The following ANKFN1 variants were observed in gnomAD, a reference collection of about 807,000 sequenced individuals.
ANKFN1 encodes ankyrin repeat and fibronectin type III domain containing 1, also known as ankyrin repeat and fibronectin type-III domain-containing protein 1.
In ANKFN1, 74 loss-of-function variants were observed where a neutral mutation model predicts 108.7. The observed-to-expected ratio is 0.68, with a 90% confidence interval of 0.56 to 0.83. The LOEUF (loss-of-function observed/expected upper bound fraction) is 0.83, where lower values mean the gene tolerates loss of function less well. Among genes scored for constraint, ANKFN1 ranks in the 40% least tolerant of loss-of-function variants. The pLI, the probability that ANKFN1 is intolerant of heterozygous loss-of-function variation, is 0.00. For missense variants in ANKFN1, 1,505 were observed against 1,382.3 expected, an observed-to-expected ratio of 1.09 and a Z score of -1.41; for synonymous variants, 547 against 516.2, an observed-to-expected ratio of 1.06 and a Z score of -0.81.
In ANKFN1 at chr17:56,515,095, G is replaced by C. The variant is rs1305894370; in HGVS notation, c.*3826G>C. On this transcript the variant is annotated 3_prime_UTR_variant, in exon 21 of 21. Coordinates refer to ENST00000682825, the MANE Select transcript of ANKFN1 (RefSeq NM_001370326.1). ...AGCTTAAGTGAGTTCTCCAAGAGAA[G>C]GTATGTCTGCAACGCATTTAAGTTG... Among the ~76,000 whole-genome samples, 1 of 151,930 alleles carries C rather than the reference G, an allele frequency of 6.6e-6. No homozygotes were observed. The highest frequency in any genetic ancestry group is 2.4e-5 in the African/African-American group (1 of 41,366).
chr17:56,480,344 AG>A (rs1401467294), intron 16 of ANKFN1, among the ~76,000 whole-genome samples: 3 of 152,238 alleles, frequency 2.0e-5, no homozygotes, highest in Admixed American at 6.5e-5. Flanking sequence ...TAGAATTTAC[AG>A]GGGATCTGCA....
intron 8 of ANKFN1, among the ~76,000 whole-genome samples, chr17:56,391,366 ATATGTGTGTGTGTGTG>A (rs757903724): frequency 2.3e-4 from 18 of 77,534 alleles, no homozygotes; most frequent in African/African-American, 1.1e-3. Flanking sequence ...ATACATATAT[ATATGTGTGTGTGTGTG>A]TGTGTGTGTG....
chr17:56,224,604 A>C (rs1180239195), intron 2 of ANKFN1: 1 of 152,218 alleles, frequency 6.6e-6, no homozygotes, highest in Non-Finnish European at 1.5e-5. Flanking sequence ...AGAAATTTCT[A>C]AGTGATCTTA....
In ANKFN1 at chr17:56,404,296, C is replaced by T. The variant is rs576224684; in HGVS notation, c.910+29582C>T. Among the ~76,000 whole-genome samples the T allele has an allele frequency of 2.6e-5, 4 of 152,128 alleles. No individual in the cohort carries two copies. The South Asian group carries it at 8.3e-4, about 32-fold the overall frequency. On this transcript the variant is annotated intron_variant, in intron 8 of 20. Coordinates refer to ENST00000682825, the MANE Select transcript of ANKFN1 (RefSeq NM_001370326.1). ...GGATTCTCTTCTTCCTCAGGAACACCGATTATTCTTAGGTTTGGTCATTTA... is the reference window on the plus strand; with the variant it reads ...GGATTCTCTTCTTCCTCAGGAACACTGATTATTCTTAGGTTTGGTCATTTA...
At chr17:56,447,799 T>C (rs963798348) in intron 10 of ANKFN1, among the ~76,000 whole-genome samples, 1 of 152,220 alleles carries the variant, frequency 6.6e-6, no homozygotes, top group African/African-American at 2.4e-5. Flanking sequence ...GCAAAGTAGA[T>C]ACTATCCTCA....
intron 2 of ANKFN1, among the ~76,000 whole-genome samples, chr17:56,223,370 A>G (rs562757419): frequency 6.6e-6 from 1 of 152,326 alleles, no homozygotes; most frequent in Admixed American, 6.5e-5. Flanking sequence ...ATGTTTGATA[A>G]TGAAAATTGC....
intron 4 of ANKFN1, among the ~76,000 whole-genome samples, chr17:56,102,067 G>A (rs1278651725): frequency 6.6e-6 from 1 of 152,106 alleles, no homozygotes; most frequent in Non-Finnish European, 1.5e-5. Flanking sequence ...AGTACCCCTG[G>A]AAACCCACCT....
chr17:56,472,552 A>G (rs1017522017), intron 15 of ANKFN1: 2 of 152,190 alleles, frequency 1.3e-5, no homozygotes, highest in African/African-American at 4.8e-5. Flanking sequence ...CTCACTTCAT[A>G]TTTAATGAAT....
upstream of ANKFN1, among the ~76,000 whole-genome samples, chr17:56,150,376 G>GT (rs1347158555): frequency 6.6e-6 from 1 of 152,156 alleles, no homozygotes; most frequent in African/African-American, 2.4e-5. Flanking sequence ...CTGGAGCTGG[G>GT]TTACCGATAC....
intron 11 of ANKFN1, among the ~76,000 whole-genome samples, chr17:56,456,150 C>T (rs541707082): frequency 6.6e-6 from 1 of 152,200 alleles, no homozygotes; most frequent in Non-Finnish European, 1.5e-5. Context: ...ACAGGGAATG[C>T]TTTACCAACA....
chr17:56,224,901 C>A (rs1322735016), intron 2 of ANKFN1: 17 of 152,256 alleles, frequency 1.1e-4, no homozygotes, highest in Admixed American at 1.1e-3. Context: ...AGGCACATGT[C>A]CTACTGTGAT....
intron 10 of ANKFN1, among the ~76,000 whole-genome samples, chr17:56,443,841 T>C (rs2049195946): frequency 6.6e-6 from 1 of 152,236 alleles, no homozygotes; most frequent in South Asian, 2.1e-4. Context: ...GTACTCTGAA[T>C]TGTATTTTCA....
chr17:56,195,010 AAG>A (rs1567829827), intron 1 of ANKFN1, among the ~76,000 whole-genome samples: 1 of 152,216 alleles, frequency 6.6e-6, no homozygotes, highest in East Asian at 1.9e-4. Flanking sequence ...TCATGAACGA[AAG>A]AGGGGAGAAG....
At chr17:56,467,812 A>AAG (rs746128376) in intron 15 of ANKFN1, among the ~76,000 whole-genome samples, 1 of 37,138 alleles carries the variant, frequency 2.7e-5, no homozygotes, top group Non-Finnish European at 4.7e-5. Context: ...GAAAGAAAGA[A>AAG]AGAAAGAAAG....
At chr17:56,445,973 C>A (rs72835506) in intron 10 of ANKFN1, among the ~76,000 whole-genome samples, 1 of 152,234 alleles carries the variant, frequency 6.6e-6, no homozygotes, top group Non-Finnish European at 1.5e-5. Context: ...TGTCAGGTTC[C>A]TGATTTCTTA....
At chr17:56,194,137 G>A (rs1913270730) in intron 1 of ANKFN1, among the ~76,000 whole-genome samples, 1 of 152,180 alleles carries the variant, frequency 6.6e-6, no homozygotes, top group South Asian at 2.1e-4. Context: ...TGCTTGTGGG[G>A]ATGTGGAGCA....
intron 3 of ANKFN1, among the ~76,000 whole-genome samples, chr17:56,267,769 C>A: frequency 6.6e-6 from 1 of 152,098 alleles, no homozygotes; most frequent in East Asian, 1.9e-4. Context: ...GTTTTTGTAC[C>A]AGTATCATGC....
chr17:56,338,790 G>A (rs1284545780), intron 4 of ANKFN1, among the ~76,000 whole-genome samples: 1 of 152,046 alleles, frequency 6.6e-6, no homozygotes, highest in Non-Finnish European at 1.5e-5. Context: ...GAACAGAGGG[G>A]AGGTTACTAA....
At chr17:56,222,187 C>T (rs557638930) in intron 2 of ANKFN1, among the ~76,000 whole-genome samples, 33 of 152,276 alleles carry the variant, frequency 2.2e-4, no homozygotes, top group African/African-American at 6.0e-4. Flanking sequence ...AGACTTGCCA[C>T]GCTCTGCACT....
Sources: gnomAD v4.1 joint callset for allele counts (sites outside exome capture counted in the v4.1 genomes callset) on GRCh38, gnomAD v4.1.1 for gene constraint, MANE v1.5 for transcripts, NCBI Gene and HGNC (gene_info 2026-07-23, HGNC 2026-07-21) for gene names.